TEX36: variants seen among roughly 807,000 people sequenced by gnomAD.
TEX36 encodes testis expressed 36, also known as testis-expressed protein 36.
Under a neutral mutation model 13.6 loss-of-function variants are expected in TEX36, and 12 were observed. The observed-to-expected ratio is 0.88, with a 90% CI of 0.56 to 1.43. TEX36 has a LOEUF of 1.43. Among genes scored for constraint, TEX36 ranks in the 40% most tolerant of loss-of-function variants. TEX36 has a pLI of 0.00. For missense variants in TEX36, 224 were observed against 228.3 expected (o/e 0.98, Z 0.12); for synonymous variants, 93 against 83.0 (o/e 1.12, Z -0.65).
rs1440935857 is a variant in TEX36, at chr10:125,656,091, T to C, written c.370A>G (p.Asn124Asp). ...YVPSCLDGFS[N>D]NQISYVYKEA... The stretch of plus-strand genomic sequence containing the variant: ...TTATATACGTATGATATTTGGTTAT[T>C]TGAAAAGCCATCAAGACAAGATGGA... The change falls in exon 4 of 4, where the codon AAT (asparagine) becomes GAT (aspartate). Residue 124 changes from asparagine to aspartate, a missense_variant. Coordinates refer to ENST00000368821, the MANE Select transcript of TEX36 (RefSeq NM_001128202.3). 1 of 1,551,524 alleles carries C rather than the reference T, an allele frequency of 6.4e-7. No homozygotes were observed.
At chr10:125,641,769 G>A (rs1011458305) in intron 3 of TEX36, among the ~76,000 whole-genome samples, 1 of 152,176 alleles carries the variant, frequency 6.6e-6, no homozygotes, top group African/African-American at 2.4e-5. Flanking sequence ...AAAGACTTTT[G>A]TTTTTGTAAA....
chr10:125,602,131 T>G (rs1846156957), intron 3 of TEX36, among the ~76,000 whole-genome samples: 1 of 152,080 alleles, frequency 6.6e-6, no homozygotes, highest in Non-Finnish European at 1.5e-5. Context: ...TCCTTGCCTG[T>G]CAAAAAGAAG....
intron 3 of TEX36, among the ~76,000 whole-genome samples, chr10:125,657,252 A>G (rs999384152): frequency 3.3e-5 from 5 of 152,144 alleles, no homozygotes; most frequent in African/African-American, 1.2e-4. Context: ...AATTAGAGTA[A>G]TTTGAGGACA....
chr10:125,576,859 T>C, exon 4 of TEX36: 1 of 1,536,092 alleles, frequency 6.5e-7, no homozygotes, highest in Non-Finnish European at 8.7e-7. Flanking sequence ...TGTGGGTCCG[T>C]TGCTGTCATT....
intron 3 of TEX36, among the ~76,000 whole-genome samples, chr10:125,593,851 C>A (rs75391136): frequency 1.1e-3 from 163 of 152,206 alleles, no homozygotes; most frequent in African/African-American, 3.9e-3. Flanking sequence ...GATGATTGCA[C>A]AATAATGTGA....
intron 3 of TEX36, among the ~76,000 whole-genome samples, chr10:125,608,972 TAAAAAAAAAA>T (rs35828943): frequency 1.2e-5 from 1 of 83,370 alleles, no homozygotes; most frequent in Non-Finnish European, 2.4e-5. Context: ...CCACCTCTAC[TAAAAAAAAAA>T]AAAAAAAAAG....
intron 3 of TEX36, among the ~76,000 whole-genome samples, chr10:125,608,634 G>A (rs934212775): frequency 2.0e-5 from 3 of 152,114 alleles, no homozygotes; most frequent in Admixed American, 2.0e-4. Flanking sequence ...GCCCCCTGGA[G>A]CACCCCTATT....
At chr10:125,582,931 A>G (rs1019065996) in intron 3 of TEX36, among the ~76,000 whole-genome samples, 3 of 152,242 alleles carry the variant, frequency 2.0e-5, no homozygotes, top group African/African-American at 7.2e-5. Context: ...GTTGTATTCC[A>G]TGGAGATCTA....
chr10:125,600,281 G>C lies in TEX36; in HGVS notation c.265-23407C>G, dbSNP rs533375654. ...TCACAAGTTGATGTAGAGGGGCCCA[G>C]GGAGGTTGTGCTGGCTCACGTGTAG... On this transcript the variant is annotated intron_variant, in intron 3 of 3. Transcript: ENST00000532135. Among the ~76,000 whole-genome samples the C allele has an allele frequency of 2.0e-5, 3 of 152,290 alleles. No individual in the cohort carries two copies. The South Asian group carries it at 6.2e-4, about 32-fold the overall frequency.
At chr10:125,669,088 C>T (rs1314421623) in intron 1 of TEX36, among the ~76,000 whole-genome samples, 2 of 152,042 alleles carry the variant, frequency 1.3e-5, no homozygotes, top group East Asian at 1.9e-4. Context: ...GTCAAGAGAT[C>T]GAGACCATCT....
chr10:125,681,352 C>G (rs1174028750), intron 1 of TEX36, among the ~76,000 whole-genome samples: 2 of 152,194 alleles, frequency 1.3e-5, no homozygotes, highest in East Asian at 3.8e-4. Flanking sequence ...CTTTAGTCAG[C>G]CTTCTATAAA....
chr10:125,635,234 C>T (rs1846608797), intron 3 of TEX36, among the ~76,000 whole-genome samples: 1 of 152,342 alleles, frequency 6.6e-6, no homozygotes, highest in Non-Finnish European at 1.5e-5. Flanking sequence ...AGGGATCCTG[C>T]ATGCCTCACC....
At chr10:125,598,546 C>G (rs1846108534) in intron 3 of TEX36, among the ~76,000 whole-genome samples, 1 of 152,170 alleles carries the variant, frequency 6.6e-6, no homozygotes, top group Admixed American at 6.5e-5. Flanking sequence ...GAGCCCAGTG[C>G]CAATCATCCA....
intron 3 of TEX36, among the ~76,000 whole-genome samples, chr10:125,582,406 G>T (rs1013143151): frequency 6.6e-6 from 1 of 152,238 alleles, no homozygotes; most frequent in African/African-American, 2.4e-5. Context: ...CACAGGGCCA[G>T]GGTGCATCCC....
intron 3 of TEX36, among the ~76,000 whole-genome samples, chr10:125,578,883 T>C (rs1055717060): frequency 6.6e-6 from 1 of 152,200 alleles, no homozygotes; most frequent in African/African-American, 2.4e-5. Context: ...GCCCTGCTGA[T>C]GGACTCCCTT....
At chr10:125,640,477 G>C (rs1422220378) in intron 3 of TEX36, among the ~76,000 whole-genome samples, 1 of 152,176 alleles carries the variant, frequency 6.6e-6, no homozygotes, top group African/African-American at 2.4e-5. Flanking sequence ...ACAGGGGGTT[G>C]ATTTGTTGTT....
At chr10:125,632,393 G>A (rs1034787764) in intron 3 of TEX36, among the ~76,000 whole-genome samples, 1 of 152,188 alleles carries the variant, frequency 6.6e-6, no homozygotes, top group African/African-American at 2.4e-5. Context: ...CCTAAGGGAA[G>A]AGACTCTCCT....
At chr10:125,621,753 C>A in intron 3 of TEX36, 2 of 427,842 alleles carry the variant, frequency 4.7e-6, no homozygotes, top group Non-Finnish European at 9.3e-6. Context: ...CAAGAGCCCC[C>A]CAGAAGCCAC....
chr10:125,635,669 C>T (rs924514335), intron 3 of TEX36, among the ~76,000 whole-genome samples: 3 of 152,156 alleles, frequency 2.0e-5, no homozygotes, highest in Non-Finnish European at 2.9e-5. Context: ...CCAGCAACAT[C>T]GCAGTGTCCA....
Sources: gnomAD v4.1 joint callset for allele counts (sites outside exome capture counted in the v4.1 genomes callset) on GRCh38, gnomAD v4.1.1 for gene constraint, MANE v1.5 for transcripts, NCBI Gene and HGNC (gene_info 2026-07-23, HGNC 2026-07-21) for gene names.